DPYD: variants seen among roughly 807,000 people sequenced by gnomAD.
DPYD encodes dihydropyrimidine dehydrogenase [NADP(+)].
In DPYD, 109 loss-of-function variants were observed where a neutral mutation model predicts 116.2. That is an observed-to-expected ratio of 0.94 (90% CI 0.80 to 1.10). DPYD has a LOEUF of 1.10. DPYD is among the 50% of genes least tolerant of loss of function. The pLI is 0.00. For missense variants in DPYD, 1,302 were observed against 1,254.5 expected, an observed-to-expected ratio of 1.04 and a Z score of -0.57; for synonymous variants, 440 against 432.0, an observed-to-expected ratio of 1.02 and a Z score of -0.23.
chr1:97,497,053 T>A (rs1046720304), intron 13 of DPYD, among the ~76,000 whole-genome samples: 2 of 151,928 alleles, frequency 1.3e-5, no homozygotes, highest in Non-Finnish European at 2.9e-5. Context: ...CTCAGGCAAG[T>A]CTTTTTTTAA....
chr1:97,301,985 C>T (rs28483122), intron 18 of DPYD, among the ~76,000 whole-genome samples: 47,196 of 151,732 alleles, frequency 0.31, 7,683 homozygotes, highest in Non-Finnish European at 0.35. Flanking sequence ...GTCACGCAGT[C>T]AAGGATGGAG....
At chr1:97,494,781 C>G (rs1436942327) in intron 13 of DPYD, among the ~76,000 whole-genome samples, 1 of 122,410 alleles carries the variant, frequency 8.2e-6, no homozygotes. Flanking sequence ...CACACACATA[C>G]GCACACACAC....
intron 3 of DPYD, among the ~76,000 whole-genome samples, chr1:97,801,482 G>A (rs1442673223): frequency 1.3e-5 from 2 of 151,958 alleles, no homozygotes; most frequent in East Asian, 3.9e-4. Context: ...ATGCATTAAA[G>A]ATTTTTAAAA....
chr1:97,724,293 TGGGGGGG>T (rs71883710), intron 4 of DPYD, among the ~76,000 whole-genome samples: 21 of 21,784 alleles, frequency 9.6e-4, no homozygotes, highest in African/African-American at 2.4e-3. Flanking sequence ...AGGATGTATG[TGGGGGGG>T]GGGGGGGGTG....
Position 97,607,680 on chromosome 1 carries a change from A to C in DPYD, c.851-12514T>G, listed in dbSNP as rs540710673. Among the ~76,000 whole-genome samples, 25 of 152,012 alleles carry C rather than the reference A, an allele frequency of 1.6e-4. No homozygotes were observed. In the East Asian group the frequency reaches 4.7e-3, roughly 28 times the overall value. On this transcript the variant is annotated intron_variant, in intron 8 of 22. Coordinates refer to ENST00000370192, the MANE Select transcript of DPYD (RefSeq NM_000110.4). ...AGGAGATATTGAAGAAGGACCAATC[A>C]GTCAGGAGGAGGGGTAGGAAAAAGC...
At chr1:97,341,790 C>A (rs1429069615) in intron 16 of DPYD, among the ~76,000 whole-genome samples, 1 of 152,188 alleles carries the variant, frequency 6.6e-6, no homozygotes, top group East Asian at 1.9e-4. Flanking sequence ...GCTGCAGAAT[C>A]AAGTCTTTCC....
chr1:97,293,658 C>T (rs1570449472), intron 18 of DPYD, among the ~76,000 whole-genome samples: 1 of 152,096 alleles, frequency 6.6e-6, no homozygotes, highest in African/African-American at 2.4e-5. Context: ...AAAGTCAGTC[C>T]AGGCCGGGTG....
intron 11 of DPYD, among the ~76,000 whole-genome samples, chr1:97,572,454 C>A (rs865909189): frequency 1.6e-4 from 24 of 151,914 alleles, no homozygotes; most frequent in African/African-American, 5.5e-4. Context: ...AATTATGGAA[C>A]ACAAATTTAA....
intron 8 of DPYD, among the ~76,000 whole-genome samples, chr1:97,629,984 T>C (rs912828278): frequency 1.3e-5 from 2 of 152,038 alleles, no homozygotes; most frequent in African/African-American, 2.4e-5. Flanking sequence ...TAGAATCAGA[T>C]TTTTCCACTC....
chr1:97,831,062 T>TA (rs1202935253), intron 2 of DPYD, among the ~76,000 whole-genome samples: 1 of 152,194 alleles, frequency 6.6e-6, no homozygotes, highest in Non-Finnish European at 1.5e-5. Flanking sequence ...AGGAAATAAG[T>TA]AAGCACTGTA....
intron 19 of DPYD, among the ~76,000 whole-genome samples, chr1:97,208,657 T>C (rs910785353): frequency 6.6e-6 from 1 of 152,138 alleles, no homozygotes; most frequent in Non-Finnish European, 1.5e-5. Context: ...TACTAATTAA[T>C]TTATTCTTTC....
chr1:97,648,825 A>G (rs1271545072), intron 8 of DPYD, among the ~76,000 whole-genome samples: 1 of 151,974 alleles, frequency 6.6e-6, no homozygotes, highest in East Asian at 1.9e-4. Context: ...TTTTAATCAT[A>G]ATCACTTGGA....
At chr1:97,356,970 C>A (rs1358158572) in intron 16 of DPYD, among the ~76,000 whole-genome samples, 1 of 152,116 alleles carries the variant, frequency 6.6e-6, no homozygotes, top group African/African-American at 2.4e-5. Context: ...CAGCTTTGTT[C>A]TTTTTGCTCG....
At chr1:97,454,360 C>T (rs1676574029) in intron 13 of DPYD, among the ~76,000 whole-genome samples, 1 of 151,772 alleles carries the variant, frequency 6.6e-6, no homozygotes, top group Non-Finnish European at 1.5e-5. Flanking sequence ...AGAATTTGAG[C>T]ATGATTTCAT....
intron 14 of DPYD, among the ~76,000 whole-genome samples, chr1:97,392,104 A>C (rs1333908296): frequency 2.0e-5 from 3 of 152,080 alleles, no homozygotes; most frequent in African/African-American, 7.2e-5. Context: ...GGACATTTAG[A>C]GGTATACCTC....
intron 19 of DPYD, among the ~76,000 whole-genome samples, chr1:97,229,310 A>C (rs1324720594): frequency 2.7e-5 from 4 of 150,216 alleles, no homozygotes; most frequent in Non-Finnish European, 5.9e-5. Flanking sequence ...AGCAGACATT[A>C]AACACTATGT....
At chr1:97,662,101 C>G (rs935927512) in intron 8 of DPYD, among the ~76,000 whole-genome samples, 1 of 149,918 alleles carries the variant, frequency 6.7e-6, no homozygotes, top group African/African-American at 2.5e-5. Context: ...CCCAGGTTCA[C>G]GCCATTCTCC....
chr1:97,704,028 C>G (rs557674710), intron 5 of DPYD, among the ~76,000 whole-genome samples: 7 of 152,092 alleles, frequency 4.6e-5, no homozygotes, highest in Non-Finnish European at 7.4e-5. Flanking sequence ...TATTCTTCTA[C>G]CATCAACCCT....
chr1:97,286,478 T>C (rs371083202), intron 18 of DPYD, among the ~76,000 whole-genome samples: 1 of 151,830 alleles, frequency 6.6e-6, no homozygotes, highest in South Asian at 2.1e-4. Flanking sequence ...CCTTGCTAGA[T>C]TGGGGAAGTT....
Sources: gnomAD v4.1 joint callset for allele counts (sites outside exome capture counted in the v4.1 genomes callset) on GRCh38, gnomAD v4.1.1 for gene constraint, MANE v1.5 for transcripts, NCBI Gene and HGNC (gene_info 2026-07-23, HGNC 2026-07-21) for gene names.